DPYSL3: variants seen among roughly 807,000 people sequenced by gnomAD.
The protein encoded by DPYSL3 is dihydropyrimidinase like 3, also known as dihydropyrimidinase-related protein 3.
DPYSL3 carries 16 observed loss-of-function variants against 66.1 expected under a neutral mutation model. The ratio of observed to expected loss-of-function variants is 0.24; its 90% CI spans 0.16 to 0.37. DPYSL3 has a LOEUF of 0.37. Among genes scored for constraint, DPYSL3 ranks in the 10% least tolerant of loss-of-function variants. The pLI is 1.00. For missense variants in DPYSL3, 738 were observed against 916.2 expected (o/e 0.81, Z 2.51); for synonymous variants, 338 against 345.1 (o/e 0.98, Z 0.23).
intron 1 of DPYSL3, among the ~76,000 whole-genome samples, chr5:147,485,545 G>A (rs1753316314): frequency 6.6e-6 from 1 of 152,004 alleles, no homozygotes; most frequent in Admixed American, 6.6e-5. Context: ...CTATTAAAAT[G>A]CATAGAGTGA....
intron 1 of DPYSL3, among the ~76,000 whole-genome samples, chr5:147,438,513 C>G (rs116332109): frequency 2.0e-5 from 3 of 152,102 alleles, no homozygotes; most frequent in South Asian, 4.1e-4. Flanking sequence ...TATTCAAGAC[C>G]GCTTACTATC....
At chr5:147,449,009 C>G (rs1009646000) in intron 1 of DPYSL3, among the ~76,000 whole-genome samples, 1 of 152,200 alleles carries the variant, frequency 6.6e-6, no homozygotes, top group Admixed American at 6.5e-5. Flanking sequence ...ATGCCTTGCA[C>G]AGAGAGAGCT....
chr5:147,402,859 T>C (rs1321951009), intron 8 of DPYSL3, among the ~76,000 whole-genome samples: 1 of 152,158 alleles, frequency 6.6e-6, no homozygotes, highest in Non-Finnish European at 1.5e-5. Flanking sequence ...GAAGGAATAG[T>C]GATATAGAAA....
intron 1 of DPYSL3, among the ~76,000 whole-genome samples, chr5:147,476,429 T>A (rs944449530): frequency 3.8e-4 from 58 of 152,274 alleles, no homozygotes; most frequent in Non-Finnish European, 6.9e-4. Context: ...TTAATGCATA[T>A]TTAGGAGTAA....
rs997834091 is a variant in DPYSL3, at chr5:147,509,274, C to G, written c.381+204G>C. On this transcript the variant is annotated intron_variant, in intron 1 of 13. Coordinates refer to ENST00000343218, the MANE Select transcript of DPYSL3 (RefSeq NM_001197294.2). This position sits in a 1 kb window ranked among gnomAD's most constrained non-coding sequence, Gnocchi z 5.3. ...CCCGGGCATCCCTTCCGCGCTTGCACGAAGATGCTGCAAGTGGCGACACGC... is the reference window on the plus strand; with the variant it reads ...CCCGGGCATCCCTTCCGCGCTTGCAGGAAGATGCTGCAAGTGGCGACACGC... Among the ~76,000 whole-genome samples the G allele has an allele frequency of 6.6e-6, 1 of 152,212 alleles. No individual in the cohort carries two copies. The highest frequency in any genetic ancestry group is 2.4e-5 in the African/African-American group (1 of 41,454).
chr5:147,412,197 G>A (rs1420918628), intron 6 of DPYSL3, among the ~76,000 whole-genome samples: 1 of 152,204 alleles, frequency 6.6e-6, no homozygotes, highest in Non-Finnish European at 1.5e-5. Flanking sequence ...AAGGCTATGA[G>A]TTCCACAGAC....
In DPYSL3 at chr5:147,397,815, C is replaced by T. The variant is rs1345370738; in HGVS notation, c.1654G>A (p.Glu552Lys). The change falls in exon 12 of 14, where the codon GAG becomes AAG. Residue 552 changes from glutamate to lysine, a missense_variant. By Grantham distance (56) the Glu-to-Lys change is moderately conservative (BLOSUM62 1). Transcript: ENST00000343218. ...ACAACCAGAGGAGCCCCGCGCAGCT[C>T]CATCCCTTCAAAGATGTTGTACTCT... ...AAEYNIFEGM[E>K]LRGAPLVVIC... is the part of the protein sequence containing the mutation. 2 of 1,613,174 alleles carry T rather than the reference C, an allele frequency of 1.2e-6. No individual in the cohort carries two copies. Among genetic ancestry groups the T allele is most frequent in the Non-Finnish European group, 1.7e-6 (2 of 1,179,700 alleles).
At chr5:147,505,520 G>A (rs994347338) in intron 1 of DPYSL3, among the ~76,000 whole-genome samples, 21 of 152,132 alleles carry the variant, frequency 1.4e-4, no homozygotes, top group Non-Finnish European at 2.6e-4. Context: ...ACAGGCGTGA[G>A]CCACCACTCC....
In DPYSL3 at chr5:147,391,179, G is replaced by A. The variant is rs973110916; in HGVS notation, c.*2856C>T. Reference sequence around the variant, plus strand: ...CCACCCTACTGGAAAGGGCTTCTCAGGGATGAGTGAAAATCCAGGCTCAGG... The same window carrying A: ...CCACCCTACTGGAAAGGGCTTCTCAAGGATGAGTGAAAATCCAGGCTCAGG... On this transcript the variant is annotated 3_prime_UTR_variant, in exon 14 of 14. Coordinates refer to ENST00000343218, the MANE Select transcript of DPYSL3 (RefSeq NM_001197294.2). 5 of 152,578 alleles carry A rather than the reference G, an allele frequency of 3.3e-5. No homozygotes were observed. Among genetic ancestry groups the A allele is most frequent in the Admixed American group, 6.5e-5 (1 of 15,292 alleles). 9.5% of individuals were successfully genotyped at this position (152,578 alleles called of 1,614,324 possible). A position where few individuals can be genotyped will look rare whatever the true frequency, so the allele number is the denominator to read the frequency against.
chr5:147,453,423 C>G (rs1752776407), intron 1 of DPYSL3: 4 of 1,348,592 alleles, frequency 3.0e-6, no homozygotes, highest in Non-Finnish European at 2.9e-6. Flanking sequence ...GCCACCCGGA[C>G]CCCGGGTCTC....
At chr5:147,501,833 G>A (rs558594027) in intron 1 of DPYSL3, among the ~76,000 whole-genome samples, 5 of 152,220 alleles carry the variant, frequency 3.3e-5, no homozygotes, top group Admixed American at 3.3e-4. Context: ...CTCTCGTGTG[G>A]AGTGTTGCCA....
At chr5:147,456,491 G>A (rs1319658717) in intron 1 of DPYSL3, among the ~76,000 whole-genome samples, 1 of 151,922 alleles carries the variant, frequency 6.6e-6, no homozygotes, top group Non-Finnish European at 1.5e-5. Flanking sequence ...CAGTTGCTCA[G>A]GCGAAAGGTT....
At position 147,392,581 on chromosome 5, in the gene DPYSL3, T is replaced by A. The variant is rs1304433605; in HGVS notation, c.*1454A>T. On this transcript the variant is annotated 3_prime_UTR_variant, in exon 14 of 14. Transcript: ENST00000343218. Reference sequence around the variant, plus strand: ...AAAATGAGCATCTTGGTTCTATAGATTCTTATCTTGCTCACAGGACTTGCT... The same window carrying A: ...AAAATGAGCATCTTGGTTCTATAGAATCTTATCTTGCTCACAGGACTTGCT... The A allele has an allele frequency of 2.0e-5, 3 of 152,338 alleles. No homozygotes were observed. Among genetic ancestry groups the A allele is most frequent in the Middle Eastern group, 6.8e-3 (2 of 294 alleles). The allele number at this position is 152,338 out of a possible 1,614,324, so 9.4% of individuals were successfully genotyped here.
intron 1 of DPYSL3, among the ~76,000 whole-genome samples, chr5:147,452,103 A>T (rs1752740604): frequency 6.6e-6 from 1 of 152,164 alleles, no homozygotes; most frequent in Non-Finnish European, 1.5e-5. Flanking sequence ...GGTGGGGTGC[A>T]TTTGTGTGAA....
At chr5:147,435,225 C>A (rs554145171) in intron 1 of DPYSL3, among the ~76,000 whole-genome samples, 1 of 152,124 alleles carries the variant, frequency 6.6e-6, no homozygotes, top group Non-Finnish European at 1.5e-5. Context: ...GATTTGTACA[C>A]GTGGGTATGG....
At chr5:147,444,725 A>T (rs184199904) in intron 1 of DPYSL3, among the ~76,000 whole-genome samples, 269 of 152,248 alleles carry the variant, frequency 1.8e-3, no homozygotes, top group Middle Eastern at 0.01. Flanking sequence ...AAACCAAAGA[A>T]TTACATTTAG....
chr5:147,459,783 C>G (rs1025949605), intron 1 of DPYSL3, among the ~76,000 whole-genome samples: 3 of 152,192 alleles, frequency 2.0e-5, no homozygotes, highest in African/African-American at 7.2e-5. Context: ...CTGATGGCAA[C>G]TCATATCAAA....
intron 1 of DPYSL3, among the ~76,000 whole-genome samples, chr5:147,442,071 C>T (rs1046878914): frequency 6.6e-6 from 1 of 152,206 alleles, no homozygotes; most frequent in African/African-American, 2.4e-5. Context: ...AAAGTAATCT[C>T]ATCAAGATTT....
chr5:147,480,709 T>TA (rs956714260), intron 1 of DPYSL3, among the ~76,000 whole-genome samples: 5 of 104,552 alleles, frequency 4.8e-5, no homozygotes, highest in African/African-American at 2.3e-4. Context: ...ATATATATTA[T>TA]TATTATTATT....
Sources: gnomAD v4.1 joint callset for allele counts (sites outside exome capture counted in the v4.1 genomes callset) on GRCh38, gnomAD v4.1.1 for gene constraint, Gnocchi (gnomAD v3.1) non-coding constraint, MANE v1.5 for transcripts, NCBI Gene and HGNC (gene_info 2026-07-23, HGNC 2026-07-21) for gene names.